Variants in ZNF226 observed in about 807,000 individuals in gnomAD.
The protein encoded by ZNF226 is Kruppel-associated box protein.
ZNF226 carries 6 observed loss-of-function variants against 11.4 expected under a neutral mutation model. That is an observed-to-expected ratio of 0.53 (90% CI 0.29 to 1.04). The LOEUF (loss-of-function observed/expected upper bound fraction) is 1.04. Ranked by LOEUF, ZNF226 falls within the 50% of genes least tolerant of loss-of-function variation. ZNF226 has a pLI of 0.08. For synonymous variants in ZNF226, 350 were observed against 322.8 expected (o/e 1.08, Z -0.90); for missense variants, 1,058 against 956.5 (o/e 1.11, Z -1.40).
chr19:44,185,410 G>A, the ZNF226 span, among the ~76,000 whole-genome samples: 13 of 152,242 alleles, frequency 8.5e-5, no homozygotes, highest in Admixed American at 3.3e-4. Context: ...GACAACACTT[G>A]TTATTTTTCT....
rs1970643933 is a variant in ZNF226 at position 44,176,052 on chromosome 19, C to T, written c.790C>T (p.Leu264Phe). The stretch of plus-strand genomic sequence containing the variant: ...TGAGTGTAAAAAACCCTTCAGTGAT[C>T]TCTCCAGCTTTGATCTTCATCAGCA... ...CNECKKPFSD[L>F]SSFDLHQQLQ... The change falls in exon 6 of 6, where the codon CTC becomes TTC. Residue 264 changes from leucine to phenylalanine, a missense_variant. Leu to Phe is a conservative substitution (Grantham distance 22). Coordinates refer to ENST00000337433, the MANE Select transcript of ZNF226 (RefSeq NM_001032373.2). The T allele has an allele frequency of 2.5e-6, 4 of 1,613,952 alleles. No homozygotes were observed. Among genetic ancestry groups the T allele is most frequent in the Admixed American group, 1.7e-5 (1 of 60,002 alleles).
the ZNF226 span, among the ~76,000 whole-genome samples, chr19:44,186,902 CT>C: frequency 6.6e-6 from 1 of 150,490 alleles, no homozygotes; most frequent in Admixed American, 6.6e-5. Context: ...ATGAAAGGCC[CT>C]TTATTTTGTT....
downstream of ZNF226, among the ~76,000 whole-genome samples, chr19:44,179,569 GCTT>G (rs776462703): frequency 2.0e-5 from 3 of 152,156 alleles, no homozygotes; most frequent in Non-Finnish European, 2.9e-5. Context: ...ATTTGAAGCT[GCTT>G]CTTAGGTACA....
chr19:44,189,513 T>C, the ZNF226 span, among the ~76,000 whole-genome samples: 1 of 152,226 alleles, frequency 6.6e-6, no homozygotes, highest in Non-Finnish European at 1.5e-5. Flanking sequence ...ATCTGATATC[T>C]CATGACTGGG....
intron 1 of ZNF226, 96 bp downstream of exon 1, chr19:44,165,238 A>T (rs1031974031): frequency 2.6e-5 from 4 of 152,206 alleles, no homozygotes; most frequent in Admixed American, 2.6e-4. Flanking sequence ...GTAGCGGCTA[A>T]GAGCGGAGGT....
chr19:44,187,591 T>A, the ZNF226 span, among the ~76,000 whole-genome samples: 1 of 151,974 alleles, frequency 6.6e-6, no homozygotes, highest in Non-Finnish European at 1.5e-5. This position sits in a 1 kb window ranked among gnomAD's most constrained non-coding sequence, Gnocchi z 4.0. Context: ...AACAGACTCT[T>A]AATTTTCTTT....
chr19:44,168,052 T>G (rs1347672662), intron 2 of ZNF226, among the ~76,000 whole-genome samples: 1 of 152,102 alleles, frequency 6.6e-6, no homozygotes, highest in Non-Finnish European at 1.5e-5. Context: ...GATAACAAAG[T>G]GGTCATGTTA....
the ZNF226 span, among the ~76,000 whole-genome samples, chr19:44,185,177 A>T: frequency 1.3e-5 from 2 of 152,214 alleles, no homozygotes; most frequent in African/African-American, 2.4e-5. Flanking sequence ...GTCAATGGAC[A>T]GTTGGATTGC....
chr19:44,172,396 A>G (rs1970204851), intron 4 of ZNF226, 182 bp downstream of exon 4: 5 of 700,000 alleles, frequency 7.1e-6, no homozygotes, highest in Non-Finnish European at 1.1e-5. Context: ...TGTGTTTTAT[A>G]GAAGAACTGT....
chr19:44,175,408 C>T lies in ZNF226; in HGVS notation c.236-90C>T, dbSNP rs900365222. 5 of 1,476,128 alleles carry T rather than the reference C, an allele frequency of 3.4e-6. No individual in the cohort carries two copies. In the African/African-American group the frequency reaches 7.1e-5, roughly 21 times the overall value. 91.4% of individuals were successfully genotyped at this position (1,476,128 alleles called of 1,614,324 possible). ...AGATGAGCAGAACTATCCCGAGGTT[C>T]ATTAAAGTCTTTTACTCTGTCCTCA... On this transcript the variant is annotated intron_variant, in intron 5 of 5. Transcript: ENST00000337433.
At chr19:44,182,437 G>C (rs181951661), downstream of ZNF226, among the ~76,000 whole-genome samples, 264 of 152,334 alleles carry the variant, frequency 1.7e-3, 1 homozygote, top group African/African-American at 6.0e-3. Flanking sequence ...AGCAGTGCGG[G>C]GGTTTGGAAA....
At chr19:44,181,498 G>T (rs1394167452), downstream of ZNF226, among the ~76,000 whole-genome samples, 1 of 152,172 alleles carries the variant, frequency 6.6e-6, no homozygotes, top group Non-Finnish European at 1.5e-5. Flanking sequence ...ACATTTGGGA[G>T]AATTTGTTAT....
downstream of ZNF226, among the ~76,000 whole-genome samples, chr19:44,181,208 G>A (rs961281783): frequency 6.6e-6 from 1 of 152,110 alleles, no homozygotes; most frequent in African/African-American, 2.4e-5. Context: ...GTGAGACCCT[G>A]TCTCTCCAAA....
chr19:44,176,951 G>A lies in ZNF226; in HGVS notation c.1689G>A (p.Glu563=), dbSNP rs1193976353. 3 of 1,613,984 alleles carry A rather than the reference G, an allele frequency of 1.9e-6. No individual in the cohort carries two copies. Among genetic ancestry groups the A allele is most frequent in the Non-Finnish European group, 2.5e-6 (3 of 1,179,884 alleles). Residue 563 remains glutamate, a synonymous_variant, in exon 6 of 6, where the codon GAG becomes GAA. Transcript: ENST00000337433. ...HSIEKPFKCE[E]CGQGFNQSSR... is the part of the protein sequence containing the mutation. ...TAGAGAAACCTTTTAAGTGTGAGGA[G>A]TGTGGGCAGGGTTTCAATCAGAGCT...
the ZNF226 span, among the ~76,000 whole-genome samples, chr19:44,190,315 C>T: frequency 1.3e-5 from 2 of 151,888 alleles, no homozygotes; most frequent in African/African-American, 4.8e-5. Context: ...AAATTGAGCA[C>T]AAAAGAATCT....
downstream of ZNF226, among the ~76,000 whole-genome samples, chr19:44,181,466 C>CT (rs34032266): frequency 0.14 from 21,203 of 152,142 alleles, 3,751 homozygotes; most frequent in African/African-American, 0.4. Context: ...TCTATCTTAG[C>CT]TTTTAGCTTG....
At chr19:44,173,012 T>TA in intron 5 of ZNF226, 60 bp downstream of exon 5, 1 of 1,488,370 alleles carries the variant, frequency 6.7e-7, no homozygotes, top group Non-Finnish European at 9.2e-7. Context: ...TGCTTCTTCT[T>TA]AGCCTTGTTG....
rs765073813 is a variant in ZNF226, at chr19:44,177,671, A to G, written c.2409A>G (p.Lys803=). 11 of 1,574,624 alleles carry G rather than the reference A, an allele frequency of 7.0e-6. No homozygotes were observed. In the South Asian group the frequency reaches 7.1e-5, roughly 10 times the overall value. The change falls in exon 6 of 6, where the codon AAA becomes AAG. Residue 803 remains lysine (K), a synonymous_variant. Transcript: ENST00000337433. ...CCACACAGGAAAAAAAATCTATAAA[A>G]TGATTCTTTGTGAAGACTCGTGTCA... ...RESTQEKKSI[K]
the ZNF226 span, among the ~76,000 whole-genome samples, chr19:44,187,872 A>T: frequency 2.0e-5 from 3 of 151,890 alleles, no homozygotes; most frequent in African/African-American, 7.3e-5. This position sits in a 1 kb window ranked among gnomAD's most constrained non-coding sequence, Gnocchi z 4.0. Flanking sequence ...TTTATGATTT[A>T]TTTTTTGGCC....
Sources: gnomAD v4.1 joint callset for allele counts (sites outside exome capture counted in the v4.1 genomes callset) on GRCh38, gnomAD v4.1.1 for gene constraint, Gnocchi (gnomAD v3.1) non-coding constraint, MANE v1.5 for transcripts, NCBI Gene and HGNC (gene_info 2026-07-23, HGNC 2026-07-21) for gene names.